Variants in PLD1 observed in about 807,000 individuals in gnomAD.
PLD1 encodes choline phosphatase 1.
PLD1 carries 112 observed loss-of-function variants against 137.1 expected under a neutral mutation model. That is an observed-to-expected ratio of 0.82 (90% CI 0.70 to 0.96). The LOEUF (loss-of-function observed/expected upper bound fraction) is 0.96, where lower values mean the gene tolerates loss of function less well. Among genes scored for constraint, PLD1 ranks in the 40% least tolerant of loss-of-function variants. PLD1 has a pLI of 0.00. For missense variants in PLD1, 1,321 were observed against 1,342.0 expected, an observed-to-expected ratio of 0.98 and a Z score of 0.24; for synonymous variants, 431 against 454.7, an observed-to-expected ratio of 0.95 and a Z score of 0.66.
intron 21 of PLD1, 120 bp downstream of exon 21, chr3:171,659,093 G>A: frequency 1.4e-6 from 1 of 717,576 alleles, no homozygotes; most frequent in Non-Finnish European, 2.5e-6. Context: ...ACCTATTGCT[G>A]GCTGAACCAA....
chr3:171,780,366 C>T (rs1203281978), intron 1 of PLD1, among the ~76,000 whole-genome samples: 1 of 152,158 alleles, frequency 6.6e-6, no homozygotes, highest in Non-Finnish European at 1.5e-5. Flanking sequence ...ATACATAAGT[C>T]TGAGATTCAG....
intron 11 of PLD1, among the ~76,000 whole-genome samples, chr3:171,700,654 T>C (rs774554084): frequency 2.0e-5 from 3 of 152,180 alleles, no homozygotes; most frequent in Admixed American, 6.5e-5. Context: ...AGCATTCTAA[T>C]AGATACACAG....
At chr3:171,677,314 C>G (rs539832299) in intron 17 of PLD1, among the ~76,000 whole-genome samples, 1 of 152,108 alleles carries the variant, frequency 6.6e-6, no homozygotes, top group East Asian at 1.9e-4. Context: ...TTATTGCCCC[C>G]AAAATATGCC....
chr3:171,639,854 A>C (rs1205841870), intron 23 of PLD1, among the ~76,000 whole-genome samples: 28 of 134,956 alleles, frequency 2.1e-4, no homozygotes, highest in South Asian at 4.4e-4. Context: ...CTCTCTATAT[A>C]TATATATATA....
At chr3:171,785,681 C>A (rs1722986223) in intron 1 of PLD1, among the ~76,000 whole-genome samples, 1 of 152,210 alleles carries the variant, frequency 6.6e-6, no homozygotes, top group Non-Finnish European at 1.5e-5. Flanking sequence ...TCATGATCTG[C>A]CCGCCTTGGC....
At chr3:171,606,011 G>C (rs1732173656) in intron 25 of PLD1, among the ~76,000 whole-genome samples, 1 of 152,206 alleles carries the variant, frequency 6.6e-6, no homozygotes, top group Non-Finnish European at 1.5e-5. Flanking sequence ...TTAAAATACG[G>C]CTGCTGTATT....
rs993824127 is a variant in PLD1, at chr3:171,600,798, T to C, written c.*2280A>G. The stretch of plus-strand genomic sequence containing the variant: ...AAAAGGAACTTGCCATAGAAAGCAG[T>C]AGTAAGACTTCTTATATGAGACTAA... On this transcript the variant is annotated 3_prime_UTR_variant, in exon 27 of 27. Coordinates refer to ENST00000351298, the MANE Select transcript of PLD1 (RefSeq NM_002662.5). 1 of 152,214 alleles carries C rather than the reference T, an allele frequency of 6.6e-6. No individual in the cohort carries two copies. Among genetic ancestry groups the C allele is most frequent in the Non-Finnish European group, 1.5e-5 (1 of 68,036 alleles). The allele number at this position is 152,214 out of a possible 1,614,324, so 9.4% of individuals were successfully genotyped here.
chr3:171,690,081 T>G (rs1381731532), intron 13 of PLD1, among the ~76,000 whole-genome samples: 1 of 152,210 alleles, frequency 6.6e-6, no homozygotes. Flanking sequence ...TATTTAGGTT[T>G]TCTATTTCTT....
At chr3:171,743,391 G>A (rs1719919037) in intron 1 of PLD1, among the ~76,000 whole-genome samples, 1 of 152,100 alleles carries the variant, frequency 6.6e-6, no homozygotes, top group Non-Finnish European at 1.5e-5. Context: ...GAAATTTCTG[G>A]ACTGTACTAC....
At chr3:171,675,839 T>C (rs185462986) in intron 18 of PLD1, among the ~76,000 whole-genome samples, 64 of 139,110 alleles carry the variant, frequency 4.6e-4, no homozygotes, top group Non-Finnish European at 3.7e-4. Flanking sequence ...CACCTGAATA[T>C]GTACTTTTTT....
chr3:171,730,306 A>G (rs993664596), intron 6 of PLD1, among the ~76,000 whole-genome samples: 1 of 152,118 alleles, frequency 6.6e-6, no homozygotes. Flanking sequence ...ATTTGTCCCC[A>G]TTTTACAAAT....
At chr3:171,764,894 AGGAAGGAAGGAAG>A (rs1560288717) in intron 1 of PLD1, among the ~76,000 whole-genome samples, 5 of 27,024 alleles carry the variant, frequency 1.9e-4, no homozygotes, top group African/African-American at 6.0e-4. Context: ...AAAGAAAGAA[AGGAAGGAAGGAAG>A]GAAGGAAAGA....
At chr3:171,753,077 G>A (rs1458400068) in intron 1 of PLD1, among the ~76,000 whole-genome samples, 1 of 152,216 alleles carries the variant, frequency 6.6e-6, no homozygotes, top group Admixed American at 6.5e-5. Flanking sequence ...TTATAATGCA[G>A]CTTTGAACCA....
At chr3:171,766,535 T>A (rs1046466312) in intron 1 of PLD1, among the ~76,000 whole-genome samples, 1 of 152,192 alleles carries the variant, frequency 6.6e-6, no homozygotes, top group Non-Finnish European at 1.5e-5. Flanking sequence ...TTATTTTTAC[T>A]TAAATATCTA....
chr3:171,792,542 G>C, intron 1 of PLD1: 2 of 456,186 alleles, frequency 4.4e-6, no homozygotes. Context: ...GCAAACCAGG[G>C]GACAAACCAG....
At chr3:171,774,070 T>C (rs1722506472) in intron 1 of PLD1, among the ~76,000 whole-genome samples, 1 of 152,138 alleles carries the variant, frequency 6.6e-6, no homozygotes, top group South Asian at 2.1e-4. Flanking sequence ...TTACAGATGA[T>C]AAAACTGAGG....
Position 171,692,452 on chromosome 3 carries a change from G to C in PLD1, c.1228-10C>G. The C allele has an allele frequency of 7.8e-7, 1 of 1,286,806 alleles. No individual in the cohort carries two copies. The allele number at this position is 1,286,806 out of a possible 1,614,324, so 79.7% of individuals were successfully genotyped here. A position where few individuals can be genotyped will look rare whatever the true frequency, so the allele number is the denominator to read the frequency against. On this transcript the variant is annotated splice_polypyrimidine_tract_variant and intron_variant, in intron 12 of 26. Transcript: ENST00000351298. ...TCCTCACTCCTTGTTGCTGTCACAG[G>C]AGAAAACCGATGGAGGAATGAGTAT...
intron 25 of PLD1, among the ~76,000 whole-genome samples, chr3:171,605,793 C>G (rs868736962): frequency 6.6e-6 from 1 of 152,010 alleles, no homozygotes; most frequent in Non-Finnish European, 1.5e-5. Context: ...ACTAAAGTCT[C>G]GAGGCACACT....
At chr3:171,753,539 G>T (rs994168361) in intron 1 of PLD1, among the ~76,000 whole-genome samples, 1 of 152,202 alleles carries the variant, frequency 6.6e-6, no homozygotes, top group Admixed American at 6.5e-5. Context: ...TAGGCACTGA[G>T]AATATAAAAT....
Sources: gnomAD v4.1 joint callset for allele counts (sites outside exome capture counted in the v4.1 genomes callset) on GRCh38, gnomAD v4.1.1 for gene constraint, MANE v1.5 for transcripts, NCBI Gene and HGNC (gene_info 2026-07-23, HGNC 2026-07-21) for gene names.